The following BMPR2 variants were observed in gnomAD, a reference collection of about 807,000 sequenced individuals.
The protein encoded by BMPR2 is bone morphogenetic protein receptor type 2, also known as bone morphogenetic protein receptor type-2.
A neutral mutation model predicts 100.8 loss-of-function variants in BMPR2; 29 were observed. The observed-to-expected ratio is 0.29, with a 90% CI of 0.21 to 0.39. The LOEUF (loss-of-function observed/expected upper bound fraction) is 0.39, where lower values mean the gene tolerates loss of function less well. BMPR2 is among the 10% of genes least tolerant of loss of function. The pLI, the probability that BMPR2 is intolerant of heterozygous loss-of-function variation, is 1.00. For synonymous variants in BMPR2, 382 were observed against 442.3 expected (o/e 0.86, Z 1.71); for missense variants, 1,011 against 1,274.5 (o/e 0.79, Z 3.15).
chr2:202,549,871 G>A (rs543392563), intron 10 of BMPR2, among the ~76,000 whole-genome samples: 2 of 152,070 alleles, frequency 1.3e-5, no homozygotes, highest in Admixed American at 6.6e-5. Context: ...GCCAACATTT[G>A]GTATTGCCAG....
At chr2:202,528,652 C>G (rs1687963234) in intron 7 of BMPR2, among the ~76,000 whole-genome samples, 2 of 152,140 alleles carry the variant, frequency 1.3e-5, no homozygotes, top group African/African-American at 4.8e-5. Context: ...TACAGTTGGC[C>G]AAATCATCCA....
In BMPR2 at chr2:202,562,902, A is replaced by T. The variant is rs1043430128; in HGVS notation, c.*2956A>T. ...GAAGGCACATACTGAATGCTGAAGT[A>T]TACATATGCTATTTCTCTTAAACCT... is the stretch of plus-strand genomic sequence containing the variant. On this transcript the variant is annotated 3_prime_UTR_variant, in exon 13 of 13. Transcript: ENST00000374580. The T allele has an allele frequency of 6.6e-6, 1 of 152,216 alleles. No homozygotes were observed. The highest frequency in any genetic ancestry group is 1.5e-5 in the Non-Finnish European group (1 of 68,038). The allele number at this position is 152,216 out of a possible 1,614,324, so 9.4% of individuals were successfully genotyped here. A position where few individuals can be genotyped will look rare whatever the true frequency, so the allele number is the denominator to read the frequency against.
chr2:202,397,086 C>T (rs561060100), intron 1 of BMPR2, among the ~76,000 whole-genome samples: 7 of 152,114 alleles, frequency 4.6e-5, no homozygotes, highest in Non-Finnish European at 1.0e-4. Context: ...CATGAGCCAC[C>T]GTGCCCAGCC....
intron 3 of BMPR2, among the ~76,000 whole-genome samples, chr2:202,479,470 A>G (rs1480311645): frequency 2.0e-5 from 3 of 151,324 alleles, no homozygotes; most frequent in Admixed American, 1.3e-4. Context: ...TAATAAAAAA[A>G]AGTAGAGCAG....
At chr2:202,470,036 A>G (rs1574465341) in intron 3 of BMPR2, among the ~76,000 whole-genome samples, 1 of 152,158 alleles carries the variant, frequency 6.6e-6, no homozygotes, top group Non-Finnish European at 1.5e-5. Context: ...TCGTAGATGC[A>G]TTATAGGATT....
At position 202,406,348 on chromosome 2, in the gene BMPR2, A is replaced by G. The variant is rs570709612; in HGVS notation, c.76+28798A>G. ...ATTAATACAATTTTCTTTGTACTCTATGGCAGAGAAGATGCTCTTACTTTG... is the reference window on the plus strand; with the variant it reads ...ATTAATACAATTTTCTTTGTACTCTGTGGCAGAGAAGATGCTCTTACTTTG... On this transcript the variant is annotated intron_variant, in intron 1 of 12. Transcript: ENST00000374580. 9.2e-4 allele frequency among the ~76,000 whole-genome samples: 140 copies of G among 152,308 alleles called. 1 individual carries two copies. Among genetic ancestry groups the G allele is most frequent in the African/African-American group, 3.2e-3 (131 of 41,576 alleles).
intron 7 of BMPR2, among the ~76,000 whole-genome samples, chr2:202,528,893 C>T (rs1687966350): frequency 6.6e-6 from 1 of 152,190 alleles, no homozygotes; most frequent in African/African-American, 2.4e-5. Flanking sequence ...TTCTATCCTT[C>T]CCAGCATCTT....
In BMPR2 at chr2:202,536,132, A is replaced by T. The variant is rs1688152937; in HGVS notation, c.1276+3400A>T. ...GGGAGCTAAATAAAATTTTTTTAAG[A>T]GACAGAGCCTCACTCTGTCACCTAG... On this transcript the variant is annotated intron_variant, in intron 9 of 12. Transcript: ENST00000374580. Among the ~76,000 whole-genome samples the T allele has an allele frequency of 2.6e-5, 4 of 152,006 alleles. No homozygotes were observed. In the South Asian group the frequency reaches 8.3e-4, roughly 32 times the overall value.
intron 1 of BMPR2, among the ~76,000 whole-genome samples, chr2:202,421,462 CTTTT>C (rs11300022): frequency 1.4e-5 from 2 of 140,814 alleles, no homozygotes; most frequent in Non-Finnish European, 3.1e-5. Flanking sequence ...CCGCCCCCAC[CTTTT>C]TTTTTTTTTT....
intron 3 of BMPR2, among the ~76,000 whole-genome samples, chr2:202,492,328 G>A (rs549584396): frequency 4.0e-5 from 6 of 151,722 alleles, no homozygotes; most frequent in South Asian, 4.2e-4. Flanking sequence ...AAACATTTTC[G>A]TGTATAATGC....
chr2:202,561,433 C>T lies in BMPR2; in HGVS notation c.*1487C>T, dbSNP rs1688677700. On this transcript the variant is annotated 3_prime_UTR_variant, in exon 13 of 13. Coordinates refer to ENST00000374580, the MANE Select transcript of BMPR2 (RefSeq NM_001204.7). The stretch of plus-strand genomic sequence containing the variant: ...TGCTTCTTTCATTACTTATAATCTC[C>T]TCTAAAACAACCTCTGCATGTTTTT... 6.6e-6 allele frequency: 1 copy of T among 152,008 alleles called. No individual in the cohort carries two copies. Among genetic ancestry groups the T allele is most frequent in the African/African-American group, 2.4e-5 (1 of 41,416 alleles). 9.4% of individuals were successfully genotyped at this position (152,008 alleles called of 1,614,324 possible). A position where few individuals can be genotyped will look rare whatever the true frequency, so the allele number is the denominator to read the frequency against.
chr2:202,518,507 A>G (rs905677089), intron 5 of BMPR2, among the ~76,000 whole-genome samples: 1 of 152,194 alleles, frequency 6.6e-6, no homozygotes, highest in Admixed American at 6.5e-5. Flanking sequence ...TCAGGATAAA[A>G]GTCATAAAAA....
Position 202,532,793 on chromosome 2 carries a change from T to C in BMPR2, c.1276+61T>C, listed in dbSNP as rs1008273296. On this transcript the variant is annotated intron_variant, in intron 9 of 12. Coordinates refer to ENST00000374580, the MANE Select transcript of BMPR2 (RefSeq NM_001204.7). The surrounding 1 kb of genome is among the most constrained non-coding windows in gnomAD (Gnocchi z 4.1). Reference sequence around the variant, plus strand: ...GTGAAGCAGTTATATCTTCTTTCTCTACCTATAGTACCTAACTCAACTTTT... The same window carrying C: ...GTGAAGCAGTTATATCTTCTTTCTCCACCTATAGTACCTAACTCAACTTTT... The C allele has an allele frequency of 5.6e-5, 86 of 1,534,400 alleles. No homozygotes were observed. The Admixed American group carries it at 1.4e-3, about 25-fold the overall frequency.
chr2:202,454,272 C>T (rs551633771), intron 1 of BMPR2, among the ~76,000 whole-genome samples: 5 of 152,092 alleles, frequency 3.3e-5, no homozygotes, highest in South Asian at 2.1e-4. Flanking sequence ...GGTTTTGCCA[C>T]GTTGCCCAGG....
chr2:202,423,989 CT>C (rs967044880), intron 1 of BMPR2, among the ~76,000 whole-genome samples: 2 of 146,692 alleles, frequency 1.4e-5, no homozygotes, highest in African/African-American at 5.0e-5. Context: ...GTGAGAATTG[CT>C]TGAACCTTAG....
chr2:202,406,512 G>C, intron 1 of BMPR2, among the ~76,000 whole-genome samples: 1 of 152,216 alleles, frequency 6.6e-6, no homozygotes, highest in East Asian at 1.9e-4. Flanking sequence ...GCCATAACAG[G>C]AGTCCTACTG....
intron 7 of BMPR2, among the ~76,000 whole-genome samples, chr2:202,524,226 G>A (rs1195068096): frequency 1.3e-5 from 2 of 151,960 alleles, no homozygotes; most frequent in African/African-American, 4.8e-5. Context: ...GTCGGGTGTG[G>A]TGGTGGGCGC....
At chr2:202,463,534 G>T (rs1005934165) in intron 1 of BMPR2, among the ~76,000 whole-genome samples, 7 of 152,150 alleles carry the variant, frequency 4.6e-5, no homozygotes, top group African/African-American at 1.2e-4. Flanking sequence ...CCAAAATAAA[G>T]AAACAAGTCA....
intron 1 of BMPR2, among the ~76,000 whole-genome samples, chr2:202,407,213 G>T (rs1440123571): frequency 6.6e-6 from 1 of 151,976 alleles, no homozygotes; most frequent in Non-Finnish European, 1.5e-5. Context: ...AAAGTGCTGG[G>T]ATTACAGGTG....
Sources: allele counts gnomAD v4.1 joint callset (sites outside exome capture counted in the v4.1 genomes callset), GRCh38; gene constraint gnomAD v4.1.1; non-coding constraint Gnocchi (gnomAD v3.1); transcripts MANE v1.5; gene names NCBI Gene and HGNC (gene_info 2026-07-23, HGNC 2026-07-21).